Variants in MMD observed in about 807,000 individuals in gnomAD.
MMD encodes the protein monocyte to macrophage differentiation factor.
A neutral mutation model predicts 33.6 loss-of-function variants in MMD; 22 were observed. The ratio of observed to expected loss-of-function variants is 0.66; its 90% CI spans 0.47 to 0.94. The LOEUF is 0.94. MMD is among the 40% of genes least tolerant of loss of function. MMD has a pLI of 0.00. For synonymous variants in MMD, 97 were observed against 103.2 expected (o/e 0.94, Z 0.36); for missense variants, 242 against 309.8 (o/e 0.78, Z 1.64).
At chr17:55,403,455 G>GA in intron 5 of MMD, among the ~76,000 whole-genome samples, 1 of 152,222 alleles carries the variant, frequency 6.6e-6, no homozygotes, top group East Asian at 1.9e-4. Flanking sequence ...TTTCTCACGT[G>GA]ATGACTGAAT....
intron 5 of MMD, among the ~76,000 whole-genome samples, chr17:55,401,978 AGAATGGCGTGAACCC>A (rs77555826): frequency 0.53 from 79,061 of 148,962 alleles, 22,484 homozygotes; most frequent in African/African-American, 0.75. Flanking sequence ...ATGAGGCAGG[AGAATGGCGTGAACCC>A]GAATGGCGTG....
At chr17:55,414,107 A>G (rs747953922) in intron 2 of MMD, 44 bp downstream of exon 2, 2 of 1,580,432 alleles carry the variant, frequency 1.3e-6, no homozygotes, top group Non-Finnish European at 1.7e-6. Context: ...CCTCCCACCA[A>G]AGCCCCGTGG....
chr17:55,394,648 G>T, intron 6 of MMD, 114 bp from the exon 7 acceptor site: 1 of 879,860 alleles, frequency 1.1e-6, no homozygotes, highest in African/African-American at 1.8e-5. Flanking sequence ...AAGAAGCTGT[G>T]TGAACACAAT....
chr17:55,419,441 C>T (rs1482550975), intron 1 of MMD, among the ~76,000 whole-genome samples: 1 of 152,218 alleles, frequency 6.6e-6, no homozygotes, highest in Non-Finnish European at 1.5e-5. Context: ...TGCATAAACC[C>T]TCCTCATGCT....
chr17:55,406,944 T>A (rs904790697), intron 4 of MMD, among the ~76,000 whole-genome samples: 3 of 152,026 alleles, frequency 2.0e-5, no homozygotes, highest in Non-Finnish European at 2.9e-5. Flanking sequence ...GGTGTGAGAA[T>A]CACTTGAACC....
At position 55,413,415 on chromosome 17, in the gene MMD, A is replaced by G. The variant is rs947414544; in HGVS notation, c.108+736T>C. On this transcript the variant is annotated intron_variant, in intron 2 of 6. Coordinates refer to ENST00000262065, the MANE Select transcript of MMD (RefSeq NM_012329.3). ...CCATTAATGTCACATTAACAGGAAA[A>G]CTGAAAATACATACATATTCACAAA... Among the ~76,000 whole-genome samples, 3 of 152,160 alleles carry G rather than the reference A, an allele frequency of 2.0e-5. No homozygotes were observed. In the East Asian group the frequency reaches 5.8e-4, roughly 29 times the overall value.
At chr17:55,396,837 G>A (rs1021158003) in intron 6 of MMD, among the ~76,000 whole-genome samples, 6 of 151,726 alleles carry the variant, frequency 4.0e-5, no homozygotes, top group African/African-American at 9.7e-5. Context: ...GGCTGGTCTC[G>A]AACTCCTGAC....
At chr17:55,421,645 G>C (rs199565840) in intron 1 of MMD, 25 bp downstream of exon 1, 1 of 1,599,378 alleles carries the variant, frequency 6.3e-7, no homozygotes, top group African/African-American at 1.4e-5. Context: ...CACGGGCAGC[G>C]GGACCGGGAC....
intron 4 of MMD, chr17:55,404,583 C>G (rs570757854): frequency 5.1e-6 from 5 of 985,346 alleles, no homozygotes; most frequent in Non-Finnish European, 6.0e-6. Flanking sequence ...CAGATACCCA[C>G]AGTGGATACC....
At chr17:55,405,788 A>G (rs1376906385) in intron 4 of MMD, among the ~76,000 whole-genome samples, 1 of 152,226 alleles carries the variant, frequency 6.6e-6, no homozygotes, top group Non-Finnish European at 1.5e-5. Context: ...CTTTTGAATC[A>G]TTGATGCTGC....
intron 1 of MMD, among the ~76,000 whole-genome samples, chr17:55,415,308 G>T (rs1907926091): frequency 6.6e-6 from 1 of 152,104 alleles, no homozygotes. Flanking sequence ...CAGCATTCAG[G>T]TTGCAGAGGT....
At chr17:55,403,102 T>G (rs900015758) in intron 5 of MMD, among the ~76,000 whole-genome samples, 5 of 152,338 alleles carry the variant, frequency 3.3e-5, no homozygotes, top group Admixed American at 3.3e-4. Flanking sequence ...GGTCCTAATT[T>G]CCAGATGAGT....
chr17:55,400,903 T>C (rs1907302542), intron 6 of MMD, among the ~76,000 whole-genome samples: 1 of 151,942 alleles, frequency 6.6e-6, no homozygotes, highest in African/African-American at 2.4e-5. Context: ...AAAAGATATT[T>C]TCAAGCAAAG....
rs1907015192 is a variant in MMD at position 55,394,156 on chromosome 17, T to C, written c.*178A>G. 2.2e-6 allele frequency: 1 copy of C among 446,046 alleles called. No homozygotes were observed. Among genetic ancestry groups the C allele is most frequent in the Admixed American group, 4.2e-5 (1 of 23,908 alleles). The allele number at this position is 446,046 out of a possible 1,614,324, so 27.6% of individuals were successfully genotyped here. ...ATAATTAATTCACTACCTTATTTAT[T>C]TGCTGTGAGGCAGAAAATTCCAGAA... is the stretch of plus-strand genomic sequence containing the variant. On this transcript the variant is annotated 3_prime_UTR_variant, in exon 7 of 7. Transcript: ENST00000262065.
Position 55,394,111 on chromosome 17 carries a change from A to C in MMD, c.*223T>G, listed in dbSNP as rs1456465669. The C allele has an allele frequency of 5.6e-6, 2 of 356,254 alleles. No homozygotes were observed. The highest frequency in any genetic ancestry group is 1.0e-5 in the Non-Finnish European group (2 of 200,942). The allele number at this position is 356,254 out of a possible 1,614,324, so 22.1% of individuals were successfully genotyped here. On this transcript the variant is annotated 3_prime_UTR_variant, in exon 7 of 7. Coordinates refer to ENST00000262065, the MANE Select transcript of MMD (RefSeq NM_012329.3). Reference sequence around the variant, plus strand: ...TGGCCAAGTCTATTCAGAGTCCTTCATGATAGTGGAATGGAATGAATAATT... The same window carrying C: ...TGGCCAAGTCTATTCAGAGTCCTTCCTGATAGTGGAATGGAATGAATAATT...
intron 6 of MMD, among the ~76,000 whole-genome samples, chr17:55,398,125 A>AG (rs1555615086): frequency 2.1e-4 from 30 of 139,632 alleles, no homozygotes; most frequent in Admixed American, 4.3e-4. Context: ...AAAAAAAAAA[A>AG]AAAAGAAAAG....
At chr17:55,396,525 T>C (rs572000510) in intron 6 of MMD, among the ~76,000 whole-genome samples, 1 of 152,228 alleles carries the variant, frequency 6.6e-6, no homozygotes, top group African/African-American at 2.4e-5. Flanking sequence ...TTAGACTAAA[T>C]TGAATAACTT....
chr17:55,421,035 G>C (rs948474202), intron 1 of MMD, among the ~76,000 whole-genome samples: 1 of 152,160 alleles, frequency 6.6e-6, no homozygotes, highest in Admixed American at 6.5e-5. Context: ...ATGCCCCTTC[G>C]CAGAGCCCAA....
chr17:55,396,098 T>C (rs1034248858), intron 6 of MMD, among the ~76,000 whole-genome samples: 8 of 152,220 alleles, frequency 5.3e-5, no homozygotes, highest in African/African-American at 1.9e-4. Flanking sequence ...GCAGGTTAGT[T>C]TTGACATGCA....
Sources: allele counts gnomAD v4.1 joint callset (sites outside exome capture counted in the v4.1 genomes callset), GRCh38; gene constraint gnomAD v4.1.1; transcripts MANE v1.5; gene names NCBI Gene and HGNC (gene_info 2026-07-23, HGNC 2026-07-21).